The following ROCK2 variants were observed in gnomAD, a reference collection of about 807,000 sequenced individuals.
ROCK2 encodes Rho associated coiled-coil containing protein kinase 2.
ROCK2 carries 61 observed loss-of-function variants against 195.1 expected under a neutral mutation model. That is an observed-to-expected ratio of 0.31 (90% CI 0.25 to 0.39). The LOEUF (loss-of-function observed/expected upper bound fraction) is 0.39. Ranked by LOEUF, ROCK2 falls within the 10% of genes least tolerant of loss-of-function variation. The probability of loss-of-function intolerance (pLI) is 1.00; values close to 1 mark genes in which losing one functional copy is unlikely to be tolerated. For missense variants in ROCK2, 1,109 were observed against 1,637.4 expected, an observed-to-expected ratio of 0.68 and a Z score of 5.57; for synonymous variants, 504 against 545.5, an observed-to-expected ratio of 0.92 and a Z score of 1.06.
chr2:11,197,231 A>G lies in ROCK2; in HGVS notation c.3397T>C (p.Ser1133Pro). 6.2e-7 allele frequency: 1 copy of G among 1,613,966 alleles called. No individual in the cohort carries two copies. Among genetic ancestry groups the G allele is most frequent in the Non-Finnish European group, 8.5e-7 (1 of 1,179,892 alleles). Reference protein sequence around the residue: ...LQALHIGLDSSSIGSGPGDAE... With the variant: ...LQALHIGLDSPSIGSGPGDAE... ...TCCCCTGGTCCACTGCCTATACTGG[A>G]ACTATCCAGACCAATATGCAAGGCT... The change falls in exon 27 of 33, where the codon TCC (serine) becomes CCC (proline). Residue 1133 changes from serine to proline, a missense_variant. Transcript: ENST00000315872. The surrounding 1 kb of genome is among the most constrained non-coding windows in gnomAD (Gnocchi z 4.9).
At chr2:11,341,226 C>G (rs1345747531) in intron 1 of ROCK2, among the ~76,000 whole-genome samples, 1 of 152,146 alleles carries the variant, frequency 6.6e-6, no homozygotes, top group Non-Finnish European at 1.5e-5. Context: ...AACAAGATGT[C>G]ATCTTTACAC....
chr2:11,241,120 T>C (rs1665412930), intron 4 of ROCK2, among the ~76,000 whole-genome samples: 1 of 152,160 alleles, frequency 6.6e-6, no homozygotes, highest in Non-Finnish European at 1.5e-5. Flanking sequence ...TACAAGGATA[T>C]ATGTAATAAA....
rs1407294699 is a variant in ROCK2 at position 11,255,149 on chromosome 2, G to A, written c.325-5351C>T. On this transcript the variant is annotated intron_variant, in intron 3 of 32. Coordinates refer to ENST00000315872, the MANE Select transcript of ROCK2 (RefSeq NM_004850.5). ...GGAGAATGGCATGAACCCAGGAGGCGGAGCTTGCAGTGAGCGGAGATTGCG... is the reference window on the plus strand; with the variant it reads ...GGAGAATGGCATGAACCCAGGAGGCAGAGCTTGCAGTGAGCGGAGATTGCG... 1.3e-4 allele frequency among the ~76,000 whole-genome samples: 19 copies of A among 149,396 alleles called. 1 individual carries two copies. Among genetic ancestry groups the A allele is most frequent in the Admixed American group, 9.3e-4 (14 of 15,134 alleles).
At chr2:11,275,994 C>G (rs888974132) in intron 3 of ROCK2, among the ~76,000 whole-genome samples, 8 of 152,132 alleles carry the variant, frequency 5.3e-5, no homozygotes, top group Non-Finnish European at 1.0e-4. Flanking sequence ...GCCACCGTGC[C>G]CTGCCTCAAC....
intron 1 of ROCK2, among the ~76,000 whole-genome samples, chr2:11,329,603 C>A (rs1668656306): frequency 6.6e-6 from 1 of 151,474 alleles, no homozygotes; most frequent in Non-Finnish European, 1.5e-5. Flanking sequence ...TTATTTGTAT[C>A]ATCTGCTGTT....
chr2:11,207,346 C>T (rs1031581701), intron 20 of ROCK2, among the ~76,000 whole-genome samples: 4 of 152,336 alleles, frequency 2.6e-5, no homozygotes, highest in East Asian at 3.9e-4. Flanking sequence ...TAAAAATTTA[C>T]ATGCTGTTTA....
intron 1 of ROCK2, among the ~76,000 whole-genome samples, chr2:11,311,948 A>G (rs552286087): frequency 7.9e-5 from 12 of 152,326 alleles, no homozygotes; most frequent in African/African-American, 2.9e-4. Context: ...ACAAATATGT[A>G]CAATGATGAT....
At position 11,217,116 on chromosome 2, in the gene ROCK2, G is replaced by A; in HGVS notation, c.1386C>T (p.Ala462=). 2 of 1,568,058 alleles carry A rather than the reference G, an allele frequency of 1.3e-6. No homozygotes were observed. The highest frequency in any genetic ancestry group is 3.3e-5 in the Admixed American group (2 of 59,814). Residue 462 remains alanine (A), a synonymous_variant, in exon 12 of 33, where the codon GCC becomes GCT. Coordinates refer to ENST00000315872, the MANE Select transcript of ROCK2 (RefSeq NM_004850.5). ...LEEHLSNEMQ[A]KEELEQKCKS... ...TGCACTTCTGTTCCAGTTCCTCTTT[G>A]GCTTGCATCTCATTGCTAAGATGTT...
intron 1 of ROCK2, among the ~76,000 whole-genome samples, chr2:11,304,386 C>T (rs1234865883): frequency 1.3e-5 from 2 of 152,160 alleles, no homozygotes; most frequent in Non-Finnish European, 2.9e-5. Context: ...TCAAATCTGA[C>T]TGCTTTTTCT....
chr2:11,254,256 G>T (rs1388975202), intron 3 of ROCK2, among the ~76,000 whole-genome samples: 6 of 152,164 alleles, frequency 3.9e-5, no homozygotes, highest in African/African-American at 1.4e-4. Flanking sequence ...TGTAATTCCT[G>T]AGAGAAGAGA....
chr2:11,310,502 G>C lies in ROCK2; in HGVS notation c.142-22766C>G, dbSNP rs145096475. On this transcript the variant is annotated intron_variant, in intron 1 of 32. Transcript: ENST00000315872. ...GGCGTACACAACTCATTGACTCGTA[G>C]ATAAATTCCGAATATGAACAGCAAA... Among the ~76,000 whole-genome samples the C allele has an allele frequency of 8.7e-3, 1,319 of 152,192 alleles. 18 individuals are homozygous for C. The highest frequency in any genetic ancestry group is 0.03 in the African/African-American group (1,256 of 41,516).
In ROCK2 at chr2:11,192,100, T is replaced by G; in HGVS notation, c.4163+48A>C. The G allele has an allele frequency of 7.3e-7, 1 of 1,364,346 alleles. No individual in the cohort carries two copies. The highest frequency in any genetic ancestry group is 2.3e-5 in the East Asian group (1 of 43,168). 84.5% of individuals were successfully genotyped at this position (1,364,346 alleles called of 1,614,324 possible). On this transcript the variant is annotated intron_variant, in intron 32 of 32. Transcript: ENST00000315872. The surrounding 1 kb of genome is among the most constrained non-coding windows in gnomAD (Gnocchi z 5.0). ...TGTAGTTTGAACATAAATAGCAAAA[T>G]ATTTTAATAGACTTTTTTTTTTTCC...
At chr2:11,186,064 A>G (rs148185467) in intron 32 of ROCK2, among the ~76,000 whole-genome samples, 1 of 152,376 alleles carries the variant, frequency 6.6e-6, no homozygotes, top group Non-Finnish European at 1.5e-5. Flanking sequence ...AAACACTGAC[A>G]GAATAGGTTA....
intron 1 of ROCK2, among the ~76,000 whole-genome samples, chr2:11,339,958 C>T (rs1208026102): frequency 2.0e-5 from 3 of 152,070 alleles, no homozygotes; most frequent in African/African-American, 4.8e-5. Context: ...TATTTGCATA[C>T]TATATTTTTA....
intron 1 of ROCK2, among the ~76,000 whole-genome samples, chr2:11,291,994 T>TA (rs11398291): frequency 0.81 from 122,367 of 151,678 alleles, 50,989 homozygotes; most frequent in East Asian, 0.99. Flanking sequence ...AATGACAGAC[T>TA]ATGATAGTTA....
At chr2:11,242,058 C>CCAGACAA (rs1443669873) in intron 4 of ROCK2, among the ~76,000 whole-genome samples, 6 of 152,134 alleles carry the variant, frequency 3.9e-5, no homozygotes, top group Admixed American at 3.9e-4. Context: ...TGGATTCTCA[C>CCAGACAA]CAGACAACAA....
chr2:11,339,587 AT>A (rs1433470068), intron 1 of ROCK2, among the ~76,000 whole-genome samples: 1 of 152,086 alleles, frequency 6.6e-6, no homozygotes, highest in East Asian at 1.9e-4. Context: ...CATTAAGTAG[AT>A]CGGAGCTATA....
chr2:11,228,904 G>C (rs1242316199), intron 5 of ROCK2, among the ~76,000 whole-genome samples: 3 of 151,990 alleles, frequency 2.0e-5, no homozygotes, highest in African/African-American at 7.2e-5. Flanking sequence ...GGATAAGCTA[G>C]GGTTTAAAGG....
intron 1 of ROCK2, among the ~76,000 whole-genome samples, chr2:11,338,896 A>G (rs1274680248): frequency 6.8e-6 from 1 of 147,728 alleles, no homozygotes; most frequent in Non-Finnish European, 1.5e-5. Flanking sequence ...GAAGAAGTCA[A>G]AGTAATCTTT....
Sources: gnomAD v4.1 joint callset for allele counts (sites outside exome capture counted in the v4.1 genomes callset) on GRCh38, gnomAD v4.1.1 for gene constraint, Gnocchi (gnomAD v3.1) non-coding constraint, MANE v1.5 for transcripts, NCBI Gene and HGNC (gene_info 2026-07-23, HGNC 2026-07-21) for gene names.